Variants in ERI3 observed in about 807,000 individuals in gnomAD.
The protein encoded by ERI3 is ERI1 exoribonuclease 3.
Under a neutral mutation model 44.4 loss-of-function variants are expected in ERI3, and 18 were observed. The ratio of observed to expected loss-of-function variants is 0.41; its 90% CI spans 0.28 to 0.60. The LOEUF (loss-of-function observed/expected upper bound fraction) is 0.60. ERI3 is among the 20% of genes least tolerant of loss of function. The pLI, the probability that ERI3 is intolerant of heterozygous loss-of-function variation, is 0.36. For synonymous variants in ERI3, 183 were observed against 164.8 expected (o/e 1.11, Z -0.84); for missense variants, 294 against 435.5 (o/e 0.68, Z 2.89).
In ERI3 at chr1:44,266,641, T is replaced by C. The variant is rs192025506; in HGVS notation, c.831+18194A>G. Among the ~76,000 whole-genome samples, 65 of 152,358 alleles carry C rather than the reference T, an allele frequency of 4.3e-4. 1 individual carries two copies. In the East Asian group the frequency reaches 9.7e-3, roughly 23 times the overall value. On this transcript the variant is annotated intron_variant, in intron 7 of 8. Transcript: ENST00000372257. ...TTGCTCACTATTTTATCCCCAGTGC[T>C]TGGCAGAGTGCCTGACCCAGTAGGT... is the stretch of plus-strand genomic sequence containing the variant.
At chr1:44,254,082 C>T (rs1351438892) in intron 7 of ERI3, among the ~76,000 whole-genome samples, 1 of 152,216 alleles carries the variant, frequency 6.6e-6, no homozygotes, top group Non-Finnish European at 1.5e-5. Flanking sequence ...AAATTCTTTC[C>T]TGCTGCTTCT....
intron 7 of ERI3, among the ~76,000 whole-genome samples, chr1:44,265,898 G>A (rs954229495): frequency 6.6e-6 from 1 of 152,208 alleles, no homozygotes; most frequent in Non-Finnish European, 1.5e-5. Context: ...AGAAGTAGCT[G>A]TTAATGGAGT....
intron 7 of ERI3, among the ~76,000 whole-genome samples, chr1:44,259,092 G>GC (rs1294134257): frequency 6.6e-6 from 1 of 152,180 alleles, no homozygotes; most frequent in Non-Finnish European, 1.5e-5. Context: ...CACATATATA[G>GC]CAACAGAGCA....
At chr1:44,273,577 T>C (rs917435861) in intron 7 of ERI3, among the ~76,000 whole-genome samples, 2 of 152,224 alleles carry the variant, frequency 1.3e-5, no homozygotes, top group African/African-American at 4.8e-5. Context: ...TCCAGTGCCA[T>C]GCACTGGAAA....
intron 3 of ERI3, chr1:44,323,120 TC>T (rs1290620544): frequency 2.5e-6 from 1 of 406,426 alleles, no homozygotes; most frequent in Non-Finnish European, 4.2e-6. Flanking sequence ...GAAGGACCAG[TC>T]GTATTTACCA....
chr1:44,222,809 G>T (rs1473510120), intron 8 of ERI3, among the ~76,000 whole-genome samples: 1 of 152,206 alleles, frequency 6.6e-6, no homozygotes, highest in Non-Finnish European at 1.5e-5. Flanking sequence ...TAGGATCGAT[G>T]CTGTGATTGT....
rs533973322 is a variant in ERI3 at position 44,278,923 on chromosome 1, T to C, written c.831+5912A>G. The stretch of plus-strand genomic sequence containing the variant: ...TGGCCAAGAAAGTTTTTAATTTAAA[T>C]TGATTAAAATTAAATAAAATTTAAA... On this transcript the variant is annotated intron_variant, in intron 7 of 8. Transcript: ENST00000372257. Among the ~76,000 whole-genome samples, 11 of 152,314 alleles carry C rather than the reference T, an allele frequency of 7.2e-5. No homozygotes were observed. The South Asian group carries it at 2.3e-3, about 32-fold the overall frequency.
At position 44,238,531 on chromosome 1, in the gene ERI3, G is replaced by C. The variant is rs142487311; in HGVS notation, c.931+9408C>G. Among the ~76,000 whole-genome samples the C allele has an allele frequency of 4.5e-3, 690 of 152,218 alleles. 10 individuals are homozygous for C. The highest frequency in any genetic ancestry group is 0.042 in the Admixed American group (642 of 15,292). On this transcript the variant is annotated intron_variant, in intron 8 of 8. Transcript: ENST00000372257. The stretch of plus-strand genomic sequence containing the variant: ...GTTCCAAGCAAAGGCCTTTAGGGAA[G>C]AAGCATCATCGTTGCGGAGATCACA...
chr1:44,226,970 AAC>A (rs1194748420), intron 8 of ERI3, among the ~76,000 whole-genome samples: 2 of 152,152 alleles, frequency 1.3e-5, no homozygotes, highest in African/African-American at 4.8e-5. Flanking sequence ...TTGAACTGTC[AAC>A]ACTTTCCCCA....
intron 2 of ERI3, among the ~76,000 whole-genome samples, chr1:44,352,485 G>T (rs1284180102): frequency 6.6e-6 from 1 of 152,058 alleles, no homozygotes; most frequent in Non-Finnish European, 1.5e-5. Flanking sequence ...GCCAAATGAA[G>T]ATGTTTCTTC....
intron 7 of ERI3, among the ~76,000 whole-genome samples, chr1:44,263,224 T>C (rs1332042932): frequency 5.3e-5 from 8 of 152,146 alleles, no homozygotes; most frequent in Admixed American, 5.2e-4. Context: ...GGGGGAAGAA[T>C]GATAGTAACT....
At chr1:44,271,965 G>C (rs1408572434) in intron 7 of ERI3, among the ~76,000 whole-genome samples, 1 of 152,164 alleles carries the variant, frequency 6.6e-6, no homozygotes, top group South Asian at 2.1e-4. Flanking sequence ...ACTCTGCTGT[G>C]AGAGTCTCTT....
In ERI3 at chr1:44,344,974, T is replaced by C. The variant is rs561116408; in HGVS notation, c.212-5652A>G. On this transcript the variant is annotated intron_variant, in intron 2 of 8. Coordinates refer to ENST00000372257, the MANE Select transcript of ERI3 (RefSeq NM_024066.3). ...CAGAGCCCCTGGAGGATGGTCTCTG[T>C]GCAGAGTATTTACACAACAGACACC... 1.5e-3 allele frequency among the ~76,000 whole-genome samples: 225 copies of C among 152,274 alleles called. 1 individual carries two copies. Among genetic ancestry groups the C allele is most frequent in the African/African-American group, 5.2e-3 (218 of 41,546 alleles).
intron 2 of ERI3, among the ~76,000 whole-genome samples, chr1:44,351,911 C>G (rs962980729): frequency 6.6e-6 from 1 of 152,132 alleles, no homozygotes; most frequent in Non-Finnish European, 1.5e-5. Context: ...GAGAGGCCTT[C>G]CCTGAGTCTA....
intron 2 of ERI3, among the ~76,000 whole-genome samples, chr1:44,347,546 C>CAG (rs1646809215): frequency 6.6e-6 from 1 of 152,168 alleles, no homozygotes; most frequent in Non-Finnish European, 1.5e-5. Flanking sequence ...ATTATGACTC[C>CAG]TTCCTTAAAA....
chr1:44,221,577 T>C lies in ERI3; in HGVS notation c.995A>G (p.Gln332Arg). 1 of 1,614,194 alleles carries C rather than the reference T, an allele frequency of 6.2e-7. No homozygotes were observed. Among genetic ancestry groups the C allele is most frequent in the Non-Finnish European group, 8.5e-7 (1 of 1,180,004 alleles). Residue 332 changes from glutamine to arginine, a missense_variant, in exon 9 of 9, where the codon CAG (glutamine) becomes CGG (arginine). By Grantham distance (43) the Gln-to-Arg change is conservative (BLOSUM62 1). Coordinates refer to ENST00000372257, the MANE Select transcript of ERI3 (RefSeq NM_024066.3). This position sits in a 1 kb window ranked among gnomAD's most constrained non-coding sequence, Gnocchi z 5.9. ...GGCCAATCAGAACGGCTTCGATGTCTGCTTGAAGATGAAGCCTCGATAGGC... is the reference window on the plus strand; with the variant it reads ...GGCCAATCAGAACGGCTTCGATGTCCGCTTGAAGATGAAGCCTCGATAGGC... ...TLAYRGFIFK[Q>R]TSKPF
In ERI3 at chr1:44,353,077, C is replaced by G. The variant is rs576721832; in HGVS notation, c.136-152G>C. On this transcript the variant is annotated intron_variant, in intron 1 of 8. Coordinates refer to ENST00000372257, the MANE Select transcript of ERI3 (RefSeq NM_024066.3). ...AGTGCCCCCACAGAGCTTTCAGAAA[C>G]TATTAGTACTACATTTGTAATGATT... The G allele has an allele frequency of 1.5e-5, 22 of 1,453,100 alleles. No individual in the cohort carries two copies. In the South Asian group the frequency reaches 3.3e-4, roughly 22 times the overall value. The allele number at this position is 1,453,100 out of a possible 1,614,324, so 90.0% of individuals were successfully genotyped here. A position where few individuals can be genotyped will look rare whatever the true frequency, so the allele number is the denominator to read the frequency against.
intron 8 of ERI3, among the ~76,000 whole-genome samples, chr1:44,238,320 G>A (rs1350108657): frequency 6.6e-6 from 1 of 152,072 alleles, no homozygotes; most frequent in East Asian, 1.9e-4. Context: ...GGGGCCAGGG[G>A]CTCCCCCCTG....
intron 3 of ERI3, among the ~76,000 whole-genome samples, chr1:44,322,383 C>CAA (rs973509299): frequency 2.7e-5 from 3 of 112,744 alleles, no homozygotes; most frequent in African/African-American, 6.5e-5. Context: ...CGGATCCACG[C>CAA]AAAAAAAAAA....
Sources: allele counts gnomAD v4.1 joint callset (sites outside exome capture counted in the v4.1 genomes callset), GRCh38; gene constraint gnomAD v4.1.1; non-coding constraint Gnocchi (gnomAD v3.1); transcripts MANE v1.5; gene names NCBI Gene and HGNC (gene_info 2026-07-23, HGNC 2026-07-21).